The following USP14 variants were observed in gnomAD, a reference collection of about 807,000 sequenced individuals.
USP14 encodes the protein ubiquitin carboxyl-terminal hydrolase 14.
Under a neutral mutation model 76.5 loss-of-function variants are expected in USP14, and 38 were observed. The observed-to-expected ratio is 0.50, with a 90% CI of 0.38 to 0.65. The LOEUF (loss-of-function observed/expected upper bound fraction) is 0.65. Among genes scored for constraint, USP14 ranks in the 30% least tolerant of loss-of-function variants. The probability of loss-of-function intolerance (pLI) is 0.00; values close to 1 mark genes in which losing one functional copy is unlikely to be tolerated. For synonymous variants in USP14, 192 were observed against 191.7 expected (o/e 1.00, Z -0.01); for missense variants, 467 against 586.5 (o/e 0.80, Z 2.10).
chr18:161,018 C>T (rs1316081051), intron 1 of USP14, among the ~76,000 whole-genome samples: 3 of 152,178 alleles, frequency 2.0e-5, no homozygotes, highest in African/African-American at 7.2e-5. Flanking sequence ...ACCTCCACCT[C>T]CTGGTTTCAA....
chr18:190,343 G>A (rs1910053214), intron 5 of USP14, among the ~76,000 whole-genome samples: 1 of 152,116 alleles, frequency 6.6e-6, no homozygotes, highest in Non-Finnish European at 1.5e-5. Flanking sequence ...TGAAACTGCT[G>A]GGTCATAAAA....
chr18:204,655 A>T lies in USP14; in HGVS notation c.1127A>T (p.Asp376Val). The change falls in exon 13 of 16, where the codon GAT (aspartate) becomes GTT (valine). Residue 376 changes from aspartate (D) to valine (V), a missense_variant. Coordinates refer to ENST00000261601, the MANE Select transcript of USP14 (RefSeq NM_005151.4). ...GTGTCTTTTCGATCCAAATTCAAGG[A>T]TCTAGAAGATAAAAAAGTGAATCAG... Reference protein sequence around the residue: ...KMVSFRSKFKDLEDKKVNQQP... With the variant: ...KMVSFRSKFKVLEDKKVNQQP... 6 of 1,613,518 alleles carry T rather than the reference A, an allele frequency of 3.7e-6. No homozygotes were observed. The African/African-American group carries it at 8.0e-5, about 22-fold the overall frequency.
intron 5 of USP14, among the ~76,000 whole-genome samples, chr18:190,995 A>G (rs746619283): frequency 2.9e-4 from 44 of 152,152 alleles, no homozygotes; most frequent in Non-Finnish European, 4.6e-4. Flanking sequence ...ATTCATTAGT[A>G]TATCTTTGCC....
chr18:180,475 C>T (rs1909756701), intron 5 of USP14, 136 bp downstream of exon 5: 4 of 618,482 alleles, frequency 6.5e-6, no homozygotes, highest in Admixed American at 7.4e-5. Flanking sequence ...GTGTTTAATG[C>T]TTTTTATAGT....
In USP14 at chr18:214,116, G is replaced by A. The variant is rs1252904291; in HGVS notation, c.*2832G>A. 1.3e-5 allele frequency: 2 copies of A among 153,934 alleles called. No homozygotes were observed. Among genetic ancestry groups the A allele is most frequent in the Admixed American group, 6.4e-5 (1 of 15,504 alleles). The allele number at this position is 153,934 out of a possible 1,614,324, so 9.5% of individuals were successfully genotyped here. A position where few individuals can be genotyped will look rare whatever the true frequency, so the allele number is the denominator to read the frequency against. Reference sequence around the variant, plus strand: ...AGCTGGAGCCATAGACAGTTAGTTAGTTAGTTATGAGTGAGCACAGCTGGG... The same window carrying A: ...AGCTGGAGCCATAGACAGTTAGTTAATTAGTTATGAGTGAGCACAGCTGGG... On this transcript the variant is annotated 3_prime_UTR_variant, in exon 16 of 16. Transcript: ENST00000261601.
At position 171,025 on chromosome 18, in the gene USP14, AATAT is replaced by A. The variant is rs57888885; in HGVS notation, c.195+4234_195+4237del. Among the ~76,000 whole-genome samples, 78 of 47,648 alleles carry A rather than the reference AATAT, an allele frequency of 1.6e-3. 1 individual carries two copies. Among genetic ancestry groups the A allele is most frequent in the South Asian group, 2.7e-3 (3 of 1,098 alleles). The allele number at this position is 47,648 out of a possible 152,430, so 31.3% of individuals were successfully genotyped here. A position where few individuals can be genotyped will look rare whatever the true frequency, so the allele number is the denominator to read the frequency against. Reference sequence around the variant, plus strand: ...CCTGGAACTTAAAAAAAAAAAAAAAAATATATATATATATATATATATATATATA... The same window carrying A: ...CCTGGAACTTAAAAAAAAAAAAAAAAATATATATATATATATATATATATA... On this transcript the variant is annotated intron_variant, in intron 3 of 15. Transcript: ENST00000261601.
chr18:169,544 C>T (rs986495685), intron 3 of USP14, among the ~76,000 whole-genome samples: 2 of 151,556 alleles, frequency 1.3e-5, no homozygotes, highest in Non-Finnish European at 1.5e-5. Flanking sequence ...TAACTTAAAC[C>T]GTGCATTTCT....
chr18:160,323 A>C (rs948686449), intron 1 of USP14, among the ~76,000 whole-genome samples: 2 of 152,168 alleles, frequency 1.3e-5, no homozygotes, highest in Non-Finnish European at 2.9e-5. Context: ...AAAAAAAGAA[A>C]ATTACATATC....
intron 5 of USP14, among the ~76,000 whole-genome samples, chr18:182,374 T>A (rs1909810325): frequency 6.6e-6 from 1 of 152,200 alleles, no homozygotes; most frequent in East Asian, 1.9e-4. Context: ...GATTTTTGTT[T>A]TTTCCCCTCA....
intron 1 of USP14, among the ~76,000 whole-genome samples, chr18:160,986 G>A (rs1909103330): frequency 6.6e-6 from 1 of 152,064 alleles, no homozygotes; most frequent in African/African-American, 2.4e-5. Flanking sequence ...GGAGTGCAAT[G>A]GCGCGATGTT....
chr18:173,665 CG>C (rs1909541374), intron 3 of USP14, among the ~76,000 whole-genome samples: 1 of 147,184 alleles, frequency 6.8e-6, no homozygotes, highest in Middle Eastern at 3.9e-3. Flanking sequence ...TCAGGTGATC[CG>C]CCCACCTCGG....
intron 10 of USP14, among the ~76,000 whole-genome samples, chr18:202,169 T>G (rs1910400805): frequency 6.6e-6 from 1 of 152,252 alleles, no homozygotes; most frequent in African/African-American, 2.4e-5. Context: ...TTAGAAATAG[T>G]AGTGAATGTT....
At chr18:162,200 A>G (rs575442081) in intron 1 of USP14, among the ~76,000 whole-genome samples, 118 of 152,322 alleles carry the variant, frequency 7.7e-4, no homozygotes, top group African/African-American at 2.7e-3. Context: ...GCTGCTGTAA[A>G]CATGGGTGTA....
At chr18:171,025 A>AATATATATATATAT (rs57888885) in intron 3 of USP14, among the ~76,000 whole-genome samples, 39 of 47,622 alleles carry the variant, frequency 8.2e-4, no homozygotes, top group East Asian at 2.8e-3. Context: ...AAAAAAAAAA[A>AATATATATATATAT]ATATATATAT....
intron 4 of USP14, 24 bp from the exon 5 acceptor site, chr18:180,212 T>C (rs76288486): frequency 4.0e-5 from 8 of 198,018 alleles, no homozygotes; most frequent in South Asian, 2.9e-4. Flanking sequence ...GATTTAATCC[T>C]TTTTTTTTTT....
chr18:200,828 G>T (rs1174350295), intron 10 of USP14, among the ~76,000 whole-genome samples: 1 of 152,084 alleles, frequency 6.6e-6, no homozygotes, highest in Non-Finnish European at 1.5e-5. Context: ...TTGAGACGGA[G>T]TCTCTCTCTG....
chr18:176,227 T>A (rs369297431), intron 3 of USP14, among the ~76,000 whole-genome samples: 2 of 152,302 alleles, frequency 1.3e-5, no homozygotes, highest in South Asian at 2.1e-4. Flanking sequence ...TCTTTCTTTC[T>A]ACTTCGGTTT....
chr18:206,332 A>G (rs1910529043), intron 13 of USP14, among the ~76,000 whole-genome samples: 1 of 151,968 alleles, frequency 6.6e-6, no homozygotes, highest in South Asian at 2.1e-4. Context: ...TCATGTGTTT[A>G]TTTGCTATCT....
intron 13 of USP14, among the ~76,000 whole-genome samples, chr18:208,133 TAGGC>T: frequency 6.6e-6 from 1 of 152,114 alleles, no homozygotes; most frequent in African/African-American, 2.4e-5. Flanking sequence ...TGCCTAAACA[TAGGC>T]AGGCACATTT....
Sources: gnomAD v4.1 joint callset for allele counts (sites outside exome capture counted in the v4.1 genomes callset) on GRCh38, gnomAD v4.1.1 for gene constraint, MANE v1.5 for transcripts, NCBI Gene and HGNC (gene_info 2026-07-23, HGNC 2026-07-21) for gene names.